RREB1: variants seen among roughly 807,000 people sequenced by gnomAD.
The protein encoded by RREB1 is ras-responsive element-binding protein 1.
In RREB1, 27 loss-of-function variants were observed where a neutral mutation model predicts 117.8. That is an observed-to-expected ratio of 0.23 (90% CI 0.17 to 0.32). RREB1 has a LOEUF of 0.32. RREB1 is among the 10% of genes least tolerant of loss of function. The pLI, the probability that RREB1 is intolerant of heterozygous loss-of-function variation, is 1.00. For missense variants in RREB1, 2,577 were observed against 2,378.2 expected, an observed-to-expected ratio of 1.08 and a Z score of -1.74; for synonymous variants, 1,298 against 1,026.7, an observed-to-expected ratio of 1.26 and a Z score of -5.05.
At position 7,250,714 on chromosome 6, in the gene RREB1, C is replaced by G. The variant is rs190670045; in HGVS notation, c.*1746C>G. ...AGAAACGTGCACGCCCCCTTTTCTCCGCCACTTCACCAGTTTCTGAAATCC... is the reference window on the plus strand; with the variant it reads ...AGAAACGTGCACGCCCCCTTTTCTCGGCCACTTCACCAGTTTCTGAAATCC... On this transcript the variant is annotated 3_prime_UTR_variant, in exon 13 of 13. Transcript: ENST00000379938. The G allele has an allele frequency of 1.3e-5, 2 of 152,076 alleles. No individual in the cohort carries two copies. The highest frequency in any genetic ancestry group is 1.3e-4 in the Admixed American group (2 of 15,266). 9.4% of individuals were successfully genotyped at this position (152,076 alleles called of 1,614,324 possible).
chr6:7,177,784 G>A (rs553842487), intron 2 of RREB1, among the ~76,000 whole-genome samples: 2 of 152,140 alleles, frequency 1.3e-5, no homozygotes, highest in East Asian at 1.9e-4. Context: ...GTGTAATGGG[G>A]CTATCTCAGC....
chr6:7,122,820 C>G (rs1761734659), intron 1 of RREB1, among the ~76,000 whole-genome samples: 1 of 152,082 alleles, frequency 6.6e-6, no homozygotes, highest in African/African-American at 2.4e-5. Context: ...GTTATAAATA[C>G]AGCATGCTAG....
intron 1 of RREB1, among the ~76,000 whole-genome samples, chr6:7,121,085 A>G (rs1194991356): frequency 6.6e-6 from 1 of 151,918 alleles, no homozygotes; most frequent in Non-Finnish European, 1.5e-5. Flanking sequence ...CAGCCTCCCA[A>G]AGTGTTGGGA....
chr6:7,202,165 G>A (rs1272033444), intron 6 of RREB1, among the ~76,000 whole-genome samples: 4 of 151,880 alleles, frequency 2.6e-5, no homozygotes, highest in Admixed American at 2.0e-4. Flanking sequence ...TTTTCACTAC[G>A]CTGCTTCTTG....
At position 7,117,388 on chromosome 6, in the gene RREB1, GTTTTTTTTTTTTTTTTT is replaced by G. The variant is rs70978941; in HGVS notation, c.-285+9349_-285+9365del. On this transcript the variant is annotated intron_variant, in intron 1 of 12. Transcript: ENST00000379938. ...GGTGAACCATGTGAATAGGTTTCCT[GTTTTTTTTTTTTTTTTT>G]TTTTTTTTTTTTTTTTTTTTGAGAC... Among the ~76,000 whole-genome samples, 50 of 63,292 alleles carry G rather than the reference GTTTTTTTTTTTTTTTTT, an allele frequency of 7.9e-4. No individual in the cohort carries two copies. In the East Asian group the frequency reaches 0.012, roughly 16 times the overall value. The allele number at this position is 63,292 out of a possible 152,430, so 41.5% of individuals were successfully genotyped here.
chr6:7,156,420 T>A (rs1477219926), intron 1 of RREB1, among the ~76,000 whole-genome samples: 1 of 152,236 alleles, frequency 6.6e-6, no homozygotes, highest in Non-Finnish European at 1.5e-5. Flanking sequence ...CAATCTAACC[T>A]GTGAGGAAGG....
chr6:7,169,054 C>CATT (rs1334767132), intron 1 of RREB1, among the ~76,000 whole-genome samples: 1 of 150,694 alleles, frequency 6.6e-6, no homozygotes, highest in African/African-American at 2.4e-5. Flanking sequence ...ATTGGATGCA[C>CATT]ATTAGATTTC....
chr6:7,134,820 A>G (rs576432881), intron 1 of RREB1, among the ~76,000 whole-genome samples: 1 of 152,360 alleles, frequency 6.6e-6, no homozygotes, highest in African/African-American at 2.4e-5. Flanking sequence ...GAAAATAACG[A>G]TTAGACTAGT....
intron 8 of RREB1, among the ~76,000 whole-genome samples, chr6:7,225,397 G>A (rs1767524021): frequency 6.6e-6 from 1 of 152,128 alleles, no homozygotes; most frequent in Admixed American, 6.5e-5. Context: ...AGCTACATGT[G>A]GCTTTGGTGG....
chr6:7,242,422 A>T (rs2113174563), intron 11 of RREB1, among the ~76,000 whole-genome samples: 1 of 152,344 alleles, frequency 6.6e-6, no homozygotes, highest in African/African-American at 2.4e-5. Context: ...TTGAAGGGAC[A>T]AAGCCTCTAG....
chr6:7,118,532 G>A (rs943634119), intron 1 of RREB1, among the ~76,000 whole-genome samples: 55 of 152,184 alleles, frequency 3.6e-4, no homozygotes, highest in African/African-American at 1.3e-3. Context: ...TCTATGGCTT[G>A]GTTAGTTAAA....
intron 12 of RREB1, among the ~76,000 whole-genome samples, chr6:7,248,113 G>C (rs1273504611): frequency 6.6e-6 from 1 of 152,210 alleles, no homozygotes; most frequent in African/African-American, 2.4e-5. Flanking sequence ...CAATGCAGAG[G>C]GTAACTGGTG....
At chr6:7,217,802 A>G (rs1391419228) in intron 8 of RREB1, 1 of 152,184 alleles carries the variant, frequency 6.6e-6, no homozygotes, top group African/African-American at 2.4e-5. Flanking sequence ...AAACCTTCCA[A>G]CATTTACAGT....
intron 10 of RREB1, among the ~76,000 whole-genome samples, 193 bp from the exon 11 acceptor site, chr6:7,240,245 A>G (rs1430986349): frequency 6.7e-6 from 1 of 150,368 alleles, no homozygotes; most frequent in Non-Finnish European, 1.5e-5. Flanking sequence ...ATTCCATTCA[A>G]CTTAGGAAAA....
chr6:7,191,114 A>G (rs1765377352), intron 6 of RREB1, among the ~76,000 whole-genome samples: 1 of 152,264 alleles, frequency 6.6e-6, no homozygotes. Flanking sequence ...ATTGTCTTCT[A>G]CAATAACCTG....
At chr6:7,237,404 T>C (rs1325936615) in intron 10 of RREB1, among the ~76,000 whole-genome samples, 1 of 151,880 alleles carries the variant, frequency 6.6e-6, no homozygotes, top group African/African-American at 2.4e-5. Flanking sequence ...TTATTATTAT[T>C]TGTTATAGAG....
At chr6:7,220,372 C>T (rs552145131) in intron 8 of RREB1, among the ~76,000 whole-genome samples, 7 of 152,084 alleles carry the variant, frequency 4.6e-5, no homozygotes, top group East Asian at 1.9e-4. Context: ...TTTTGGATTC[C>T]GTGTGTAATC....
At chr6:7,240,642 A>G in intron 11 of RREB1, 40 bp downstream of exon 11, 4 of 1,586,666 alleles carry the variant, frequency 2.5e-6, no homozygotes, top group Non-Finnish European at 3.4e-6. Context: ...GAAGAGGGAG[A>G]GAGAGGAGTT....
At chr6:7,224,622 C>T (rs1030221249) in intron 8 of RREB1, among the ~76,000 whole-genome samples, 4 of 152,126 alleles carry the variant, frequency 2.6e-5, no homozygotes, top group African/African-American at 7.2e-5. Context: ...AGAGCTTGAA[C>T]GTATTTCAGC....
Sources: gnomAD v4.1 joint callset for allele counts (sites outside exome capture counted in the v4.1 genomes callset) on GRCh38, gnomAD v4.1.1 for gene constraint, MANE v1.5 for transcripts, NCBI Gene and HGNC (gene_info 2026-07-23, HGNC 2026-07-21) for gene names.